Variants in SIGLEC10 observed in about 807,000 individuals in gnomAD.
The protein encoded by SIGLEC10 is sialic acid binding Ig like lectin 10, also known as sialic acid-binding Ig-like lectin 10.
In SIGLEC10, 45 loss-of-function variants were observed where a neutral mutation model predicts 68.3. That is an observed-to-expected ratio of 0.66 (90% confidence interval 0.52 to 0.84). SIGLEC10 has a LOEUF of 0.84. SIGLEC10 is among the 40% of genes least tolerant of loss of function. SIGLEC10 has a pLI of 0.00. For missense variants in SIGLEC10, 789 were observed against 883.1 expected, an observed-to-expected ratio of 0.89 and a Z score of 1.35; for synonymous variants, 379 against 370.8, an observed-to-expected ratio of 1.02 and a Z score of -0.26.
chr19:51,413,737 T>A lies in SIGLEC10; in HGVS notation c.1796A>T (p.Asn599Ile). Residue 599 changes from asparagine to isoleucine, a missense_variant, in exon 10 of 11, where the codon AAT becomes ATT. Transcript: ENST00000339313. The stretch of plus-strand genomic sequence containing the variant: ...CAGGGGGCCAGCCGTCGGGACCACA[T>A]TGATGTAATCCAGGATCGTGCTGTG... ...SRHSTILDYI[N>I]VVPTAGPLAQ... 1 of 1,614,172 alleles carries A rather than the reference T, an allele frequency of 6.2e-7. No individual in the cohort carries two copies. The highest frequency in any genetic ancestry group is 8.5e-7 in the Non-Finnish European group (1 of 1,180,024).
chr19:51,416,647 C>T lies in SIGLEC10; in HGVS notation c.706+19G>A, dbSNP rs1375444026. 6.2e-7 allele frequency: 1 copy of T among 1,612,394 alleles called. No individual in the cohort carries two copies. The highest frequency in any genetic ancestry group is 1.3e-5 in the African/African-American group (1 of 74,876). ...CACCGGGGCTGTCTGCACACCCCAC[C>T]CTCCCAGGCCACACTCACAGGCCAC... On this transcript the variant is annotated intron_variant, in intron 3 of 10. Coordinates refer to ENST00000339313, the MANE Select transcript of SIGLEC10 (RefSeq NM_033130.5).
At chr19:51,412,797 C>T (rs140275899) in intron 10 of SIGLEC10, among the ~76,000 whole-genome samples, 1,704 of 148,988 alleles carry the variant, frequency 0.011, 26 homozygotes, top group African/African-American at 0.041. Flanking sequence ...GAGACAGGGT[C>T]TCACTCTGTC....
intron 10 of SIGLEC10, among the ~76,000 whole-genome samples, chr19:51,412,878 C>T (rs1025408918): frequency 6.6e-6 from 1 of 152,042 alleles, no homozygotes; most frequent in Non-Finnish European, 1.5e-5. Flanking sequence ...AGAGATCCTC[C>T]CACCTCAGCC....
chr19:51,416,835 G>A lies in SIGLEC10; in HGVS notation c.537C>T (p.Ser179=). Residue 179 remains serine (S), a synonymous_variant, in exon 3 of 11, where the codon TCC becomes TCT. Coordinates refer to ENST00000339313, the MANE Select transcript of SIGLEC10 (RefSeq NM_033130.5). ...GGGAGGAGAGGGCAGCCCCCGTCCAGGAGAAAGAAGGGGGTGGACATTCCT... is the reference window on the plus strand; with the variant it reads ...GGGAGGAGAGGGCAGCCCCCGTCCAAGAGAAAGAAGGGGGTGGACATTCCT... The part of the protein sequence containing the change: ...AFEECPPPSF[S]WTGAALSSQG... 6.2e-7 allele frequency: 1 copy of A among 1,614,192 alleles called. No homozygotes were observed. Among genetic ancestry groups the A allele is most frequent in the Non-Finnish European group, 8.5e-7 (1 of 1,180,036 alleles).
At position 51,414,456 on chromosome 19, in the gene SIGLEC10, T is replaced by A; in HGVS notation, c.1675A>T (p.Thr559Ser). Reference sequence around the variant, plus strand: ...GCCAGGCAGAGGAAAAGAAGAGCCGTGATGCCGATTCCCAGAAACGCTCCG... The same window carrying A: ...GCCAGGCAGAGGAAAAGAAGAGCCGAGATGCCGATTCCCAGAAACGCTCCG... ...SNGAFLGIGITALLFLCLALI... is the reference protein window; with the variant it reads ...SNGAFLGIGISALLFLCLALI... The change falls in exon 9 of 11, where the codon ACG (threonine) becomes TCG (serine). Residue 559 changes from threonine to serine, a missense_variant. Transcript: ENST00000339313. This position sits in a 1 kb window ranked among gnomAD's most constrained non-coding sequence, Gnocchi z 4.1. 1 of 1,613,974 alleles carries A rather than the reference T, an allele frequency of 6.2e-7. No individual in the cohort carries two copies. Among genetic ancestry groups the A allele is most frequent in the Non-Finnish European group, 8.5e-7 (1 of 1,179,980 alleles).
rs767835816 is a variant in SIGLEC10, at chr19:51,416,995, C to T, written c.422-45G>A. On this transcript the variant is annotated intron_variant, in intron 2 of 10. Transcript: ENST00000339313. Reference sequence around the variant, plus strand: ...GGGAGATTCTTGTGCTGCAGGGGTCCCTGAGAGCCCTCTCTGCTCAGCCCA... The same window carrying T: ...GGGAGATTCTTGTGCTGCAGGGGTCTCTGAGAGCCCTCTCTGCTCAGCCCA... 5 of 1,592,384 alleles carry T rather than the reference C, an allele frequency of 3.1e-6. No individual in the cohort carries two copies. The South Asian group carries it at 5.8e-5, about 18-fold the overall frequency.
Position 51,415,604 on chromosome 19 carries a change from T to C in SIGLEC10, c.1036A>G (p.Asn346Asp). The change falls in exon 6 of 11, where the codon AAC (asparagine) becomes GAC (aspartate). Residue 346 changes from asparagine (N) to aspartate (D), a missense_variant. Coordinates refer to ENST00000339313, the MANE Select transcript of SIGLEC10 (RefSeq NM_033130.5). ...LDLSVQYPPE[N>D]LRVMVSQANR... Reference sequence around the variant, plus strand: ...GCTTGGGAAACCATCACTCTCAGGTTCTCTGGAGGATCTGAAATGGAGACA... The same window carrying C: ...GCTTGGGAAACCATCACTCTCAGGTCCTCTGGAGGATCTGAAATGGAGACA... The C allele has an allele frequency of 3.1e-6, 5 of 1,613,880 alleles. No homozygotes were observed. Among genetic ancestry groups the C allele is most frequent in the Non-Finnish European group, 4.2e-6 (5 of 1,179,828 alleles).
rs1378818709 is a variant in SIGLEC10 at position 51,413,744 on chromosome 19, A to G, written c.1789T>C (p.Tyr597His). 6.2e-7 allele frequency: 1 copy of G among 1,614,172 alleles called. No individual in the cohort carries two copies. The highest frequency in any genetic ancestry group is 1.7e-5 in the Admixed American group (1 of 60,018). ...RFSRHSTILDYINVVPTAGPL... is the reference protein window; with the variant it reads ...RFSRHSTILDHINVVPTAGPL... The stretch of plus-strand genomic sequence containing the variant: ...CCAGCCGTCGGGACCACATTGATGT[A>G]ATCCAGGATCGTGCTGTGCCGGGAG... The change falls in exon 10 of 11, where the codon TAC becomes CAC. Residue 597 changes from tyrosine (Y) to histidine (H), a missense_variant. Transcript: ENST00000339313.
rs529570279 is a variant in SIGLEC10 at position 51,412,484 on chromosome 19, CT to C, written c.1822-1114del. Among the ~76,000 whole-genome samples the C allele has an allele frequency of 5.1e-3, 727 of 142,390 alleles. 1 individual carries two copies. Among genetic ancestry groups the C allele is most frequent in the Admixed American group, 5.0e-3 (71 of 14,124 alleles). The allele number at this position is 142,390 out of a possible 152,430, so 93.4% of individuals were successfully genotyped here. ...ATGGAGCATAAATGGTGGAATTAGT[CT>C]TTTTTTTTTTTTAGATGAAGTTTCG... is the stretch of plus-strand genomic sequence containing the variant. On this transcript the variant is annotated intron_variant, in intron 10 of 10. Transcript: ENST00000339313.
In SIGLEC10 at chr19:51,414,674, G is replaced by T; in HGVS notation, c.1615+150C>A. 7.1e-7 allele frequency: 1 copy of T among 1,410,232 alleles called. No homozygotes were observed. Among genetic ancestry groups the T allele is most frequent in the Non-Finnish European group, 9.9e-7 (1 of 1,008,070 alleles). 87.4% of individuals were successfully genotyped at this position (1,410,232 alleles called of 1,614,324 possible). On this transcript the variant is annotated intron_variant, in intron 8 of 10. Transcript: ENST00000339313. The surrounding 1 kb of genome is among the most constrained non-coding windows in gnomAD (Gnocchi z 4.1). ...AACCCTGCCACACCCCGGCCCAGGT[G>T]TTAGGACTTCCCATTGTGTTTTCCT... is the stretch of plus-strand genomic sequence containing the variant.
Position 51,415,799 on chromosome 19 carries a change from C to T in SIGLEC10, c.1024+99G>A, listed in dbSNP as rs988297194. On this transcript the variant is annotated intron_variant, in intron 5 of 10. Coordinates refer to ENST00000339313, the MANE Select transcript of SIGLEC10 (RefSeq NM_033130.5). ...CAGGTAAGAAGGTCGGTCTCCGAGG[C>T]CTGGGGCTCCAGGCCCCCTCAGCTC... is the stretch of plus-strand genomic sequence containing the variant. The T allele has an allele frequency of 2.5e-6, 4 of 1,584,592 alleles. No homozygotes were observed. In the African/African-American group the frequency reaches 4.1e-5, roughly 16 times the overall value.
In SIGLEC10 at chr19:51,417,553, A is replaced by T. The variant is rs1413402910; in HGVS notation, c.29T>A (p.Leu10Gln). 3.1e-6 allele frequency: 5 copies of T among 1,614,250 alleles called. No individual in the cohort carries two copies. In the Admixed American group the frequency reaches 6.7e-5, roughly 22 times the overall value. The change falls in exon 1 of 11, where the codon CTG becomes CAG. Residue 10 changes from leucine to glutamine, a missense_variant. Coordinates refer to ENST00000339313, the MANE Select transcript of SIGLEC10 (RefSeq NM_033130.5). MLLPLLLSS[L>Q]LGGSQAMDGR... ...GCCCTTGGCCCACTCACCGCCCAGC[A>T]GCGAGGACAGCAGCAGTGGCAGTAG...
intron 3 of SIGLEC10, 25 bp downstream of exon 3, chr19:51,416,641 C>A (rs749977708): frequency 1.2e-6 from 2 of 1,612,102 alleles, no homozygotes; most frequent in Non-Finnish European, 1.7e-6. Flanking sequence ...TGTCTGCACA[C>A]CCCACCCTCC....
Position 51,417,559 on chromosome 19 carries a change from G to A in SIGLEC10, c.23C>T (p.Ser8Phe). 6.2e-7 allele frequency: 1 copy of A among 1,614,254 alleles called. No homozygotes were observed. The highest frequency in any genetic ancestry group is 1.6e-4 in the Middle Eastern group (1 of 6,062). Residue 8 changes from serine to phenylalanine, a missense_variant, in exon 1 of 11, where the codon TCC (serine) becomes TTC (phenylalanine). Ser to Phe is a radical substitution (Grantham distance 155). Transcript: ENST00000339313. Reference sequence around the variant, plus strand: ...GGCCCACTCACCGCCCAGCAGCGAGGACAGCAGCAGTGGCAGTAGCATCTC... The same window carrying A: ...GGCCCACTCACCGCCCAGCAGCGAGAACAGCAGCAGTGGCAGTAGCATCTC... MLLPLLL[S>F]SLLGGSQAMD...
chr19:51,414,899 T>G lies in SIGLEC10; in HGVS notation c.1540A>C (p.Ser514Arg). ...NSSLSLHGGL[S>R]SGLRLRCEAW... Reference sequence around the variant, plus strand: ...TCACAGCGGAGCCTGAGGCCGGAGCTGAGCCCTCCATGGAGGCTCAGGGAG... The same window carrying G: ...TCACAGCGGAGCCTGAGGCCGGAGCGGAGCCCTCCATGGAGGCTCAGGGAG... Residue 514 changes from serine to arginine, a missense_variant, in exon 8 of 11, where the codon AGC becomes CGC. Ser to Arg is a moderately radical substitution (Grantham distance 110). Transcript: ENST00000339313. This position sits in a 1 kb window ranked among gnomAD's most constrained non-coding sequence, Gnocchi z 4.1. 7 of 1,614,128 alleles carry G rather than the reference T, an allele frequency of 4.3e-6. No homozygotes were observed. Among genetic ancestry groups the G allele is most frequent in the Non-Finnish European group, 5.9e-6 (7 of 1,180,008 alleles).
At chr19:51,411,845 C>CA (rs988834613) in intron 10 of SIGLEC10, among the ~76,000 whole-genome samples, 2 of 150,938 alleles carry the variant, frequency 1.3e-5, no homozygotes, top group African/African-American at 4.9e-5. Context: ...AAATCTGTTT[C>CA]AAAAAAATAA....
rs1210197975 is a variant in SIGLEC10, at chr19:51,417,385, G to T, written c.118C>A (p.Pro40Thr). 1 of 1,614,182 alleles carries T rather than the reference G, an allele frequency of 6.2e-7. No homozygotes were observed. The highest frequency in any genetic ancestry group is 2.2e-5 in the East Asian group (1 of 44,886). The change falls in exon 2 of 11, where the codon CCC (proline) becomes ACC (threonine). Residue 40 changes from proline to threonine, a missense_variant. By Grantham distance (38) the Pro-to-Thr change is conservative. Transcript: ENST00000339313. ...TGTCGGGGGTAGGAGAAAGAGCAGG[G>T]CACAGAGATGCACAGGCCCTCCGGC... ...MVPEGLCISV[P>T]CSFSYPRQDW...
At position 51,415,084 on chromosome 19, in the gene SIGLEC10, G is replaced by A. The variant is rs756358800; in HGVS notation, c.1355C>T (p.Ser452Phe). ...CAGACCCTCAGCCTCCCAGGAGCAG[G>A]AGGGGCCCAGCAGCTTCGGGGAGTC... Reference protein sequence around the residue: ...VHYSPKLLGPSCSWEAEGLHC... With the variant: ...VHYSPKLLGPFCSWEAEGLHC... Residue 452 changes from serine to phenylalanine, a missense_variant, in exon 8 of 11, where the codon TCC (serine) becomes TTC (phenylalanine). Transcript: ENST00000339313. 1.9e-6 allele frequency: 3 copies of A among 1,580,388 alleles called. No homozygotes were observed. Among genetic ancestry groups the A allele is most frequent in the South Asian group, 1.2e-5 (1 of 86,854 alleles).
At chr19:51,416,520 C>T (rs1988681401) in intron 3 of SIGLEC10, 146 bp downstream of exon 3, 1 of 1,574,690 alleles carries the variant, frequency 6.4e-7, no homozygotes, top group South Asian at 1.1e-5. Flanking sequence ...ATCCCCCTCC[C>T]AGGGCTGCGG....
Sources: allele counts gnomAD v4.1 joint callset (sites outside exome capture counted in the v4.1 genomes callset), GRCh38; gene constraint gnomAD v4.1.1; non-coding constraint Gnocchi (gnomAD v3.1); transcripts MANE v1.5; gene names NCBI Gene and HGNC (gene_info 2026-07-23, HGNC 2026-07-21).